PCDHA10: variants seen among roughly 807,000 people sequenced by gnomAD.
PCDHA10 encodes the protein protocadherin alpha 10.
In PCDHA10, 45 loss-of-function variants were observed where a neutral mutation model predicts 61.2. That is an observed-to-expected ratio of 0.74 (90% confidence interval 0.58 to 0.94). PCDHA10 has a LOEUF of 0.94. PCDHA10 is among the 40% of genes least tolerant of loss of function. The pLI, the probability that PCDHA10 is intolerant of heterozygous loss-of-function variation, is 0.00. For synonymous variants in PCDHA10, 602 were observed against 548.8 expected, an observed-to-expected ratio of 1.10 and a Z score of -1.35; for missense variants, 1,278 against 1,236.2, an observed-to-expected ratio of 1.03 and a Z score of -0.51.
At chr5:140,928,367 C>T (rs781897390) in intron 1 of PCDHA10, 1 of 1,614,170 alleles carries the variant, frequency 6.2e-7, no homozygotes, top group East Asian at 2.2e-5. Context: ...TCTGAAGGGC[C>T]ATCAGCCTCT....
intron 1 of PCDHA10, among the ~76,000 whole-genome samples, chr5:140,957,748 G>T (rs2095381433): frequency 6.6e-6 from 1 of 152,080 alleles, no homozygotes; most frequent in South Asian, 2.1e-4. Context: ...GACATGAAAG[G>T]ATGTTCATTA....
intron 1 of PCDHA10, among the ~76,000 whole-genome samples, chr5:140,925,786 T>C (rs2082719026): frequency 1.3e-5 from 2 of 152,144 alleles, no homozygotes; most frequent in African/African-American, 4.8e-5. Context: ...CTAATGAGTA[T>C]CTCAGTACTT....
chr5:140,872,816 T>C (rs1204141018), intron 1 of PCDHA10, among the ~76,000 whole-genome samples: 2 of 152,190 alleles, frequency 1.3e-5, no homozygotes, highest in African/African-American at 4.8e-5. Context: ...GTTTTTCAGA[T>C]TCATCTAGCA....
chr5:140,979,972 C>T (rs1393315984), intron 2 of PCDHA10, among the ~76,000 whole-genome samples: 1 of 152,176 alleles, frequency 6.6e-6, no homozygotes, highest in East Asian at 1.9e-4. Context: ...CATTAAAATG[C>T]ATTAGATTGA....
chr5:140,857,146 C>G lies in PCDHA10; in HGVS notation c.1098C>G (p.Thr366=), dbSNP rs1554149571. ...TGAAAGAAGATGCTCAAGTGGGCAC[C>G]GTCATTGCCCTAATCAGCGTTTCTG... ...LPVKEDAQVG[T]VIALISVSDH... Residue 366 remains threonine (T), a synonymous_variant, in exon 1 of 4, where the codon ACC becomes ACG. Coordinates refer to ENST00000307360, the MANE Select transcript of PCDHA10 (RefSeq NM_018901.4). The G allele has an allele frequency of 1.9e-6, 3 of 1,598,132 alleles. 1 individual carries two copies. In the South Asian group the frequency reaches 3.3e-5, roughly 18 times the overall value.
chr5:140,989,215 C>T (rs1162430361), intron 3 of PCDHA10, among the ~76,000 whole-genome samples: 1 of 152,108 alleles, frequency 6.6e-6, no homozygotes, highest in Non-Finnish European at 1.5e-5. Flanking sequence ...CTTTATACAC[C>T]ATTCTTTGTA....
At chr5:140,989,863 TTCTC>T (rs2097364159) in intron 3 of PCDHA10, among the ~76,000 whole-genome samples, 1 of 151,988 alleles carries the variant, frequency 6.6e-6, no homozygotes, top group Non-Finnish European at 1.5e-5. Flanking sequence ...AGAGGAATCT[TTCTC>T]TGCCTCAGCA....
Position 140,956,280 on chromosome 5 carries a change from G to A in PCDHA10, c.2389-22669G>A, listed in dbSNP as rs554735108. On this transcript the variant is annotated intron_variant, in intron 1 of 3. Coordinates refer to ENST00000307360, the MANE Select transcript of PCDHA10 (RefSeq NM_018901.4). ...GCCCATTCAGTGTGGTATTGGCTGT[G>A]GGTTTATCATATATATGGCTCTTAT... Among the ~76,000 whole-genome samples, 16 of 152,206 alleles carry A rather than the reference G, an allele frequency of 1.1e-4. No individual in the cohort carries two copies. In the South Asian group the frequency reaches 3.3e-3, roughly 32 times the overall value.
chr5:140,977,640 G>A (rs2096769670), intron 1 of PCDHA10, among the ~76,000 whole-genome samples: 1 of 152,124 alleles, frequency 6.6e-6, no homozygotes, highest in South Asian at 2.1e-4. Flanking sequence ...CTTTTTCTGG[G>A]CCTTGACTTT....
chr5:141,001,359 T>C (rs186629026), intron 3 of PCDHA10, among the ~76,000 whole-genome samples: 4 of 152,344 alleles, frequency 2.6e-5, no homozygotes, highest in Admixed American at 1.3e-4. Context: ...GGTTTAAGCC[T>C]ACTATTCTGA....
chr5:140,884,549 G>A (rs782470468), intron 1 of PCDHA10: 3 of 1,614,016 alleles, frequency 1.9e-6, no homozygotes, highest in African/African-American at 1.3e-5. Context: ...GGTGTGCTCT[G>A]GGGAGGGCCC....
intron 1 of PCDHA10, among the ~76,000 whole-genome samples, chr5:140,949,947 A>G (rs1554219242): frequency 6.6e-6 from 1 of 151,676 alleles, no homozygotes; most frequent in African/African-American, 2.4e-5. Flanking sequence ...TGCATTTTTT[A>G]GTGGTTGCTG....
intron 1 of PCDHA10, among the ~76,000 whole-genome samples, chr5:140,908,325 T>C (rs189387427): frequency 6.6e-6 from 1 of 152,172 alleles, no homozygotes; most frequent in African/African-American, 2.4e-5. Flanking sequence ...GTGGAGACCA[T>C]GGGAATTTGA....
rs546510910 is a variant in PCDHA10, at chr5:140,894,996, C to G, written c.2388+36560C>G. ...GTCTTACTTTGTGACATCCTTTACC[C>G]TTTTTACTTGGACCTTTTTCCTTTG... is the stretch of plus-strand genomic sequence containing the variant. On this transcript the variant is annotated intron_variant, in intron 1 of 3. Transcript: ENST00000307360. Among the ~76,000 whole-genome samples, 5 of 152,204 alleles carry G rather than the reference C, an allele frequency of 3.3e-5. No homozygotes were observed. The East Asian group carries it at 9.6e-4, about 29-fold the overall frequency.
chr5:140,911,187 G>A (rs911666410), intron 1 of PCDHA10, among the ~76,000 whole-genome samples: 1 of 152,102 alleles, frequency 6.6e-6, no homozygotes, highest in Non-Finnish European at 1.5e-5. Context: ...TGTGGGTTGG[G>A]GAGGACATGT....
intron 1 of PCDHA10, chr5:140,875,319 A>T: frequency 7.0e-7 from 1 of 1,428,968 alleles, no homozygotes; most frequent in South Asian, 1.6e-5. Context: ...CATTCCAATC[A>T]TTCACGGAAT....
At chr5:140,871,533 G>A in intron 1 of PCDHA10, 2 of 1,516,446 alleles carry the variant, frequency 1.3e-6, no homozygotes, top group South Asian at 1.3e-5. Context: ...GGAAGTGTAT[G>A]TGAAATTATT....
intron 1 of PCDHA10, among the ~76,000 whole-genome samples, chr5:140,954,516 G>C (rs782233597): frequency 3.3e-5 from 5 of 152,172 alleles, no homozygotes; most frequent in Admixed American, 6.5e-5. Flanking sequence ...TTTACCTAAT[G>C]ATCAGTGATG....
At chr5:141,007,613 T>C (rs1351675120) in intron 3 of PCDHA10, among the ~76,000 whole-genome samples, 1 of 152,056 alleles carries the variant, frequency 6.6e-6, no homozygotes, top group Non-Finnish European at 1.5e-5. Context: ...GAAGCAGATA[T>C]AGGAGAGGTC....
Sources: gnomAD v4.1 joint callset for allele counts (sites outside exome capture counted in the v4.1 genomes callset) on GRCh38, gnomAD v4.1.1 for gene constraint, MANE v1.5 for transcripts, NCBI Gene and HGNC (gene_info 2026-07-23, HGNC 2026-07-21) for gene names.